The following KDM4B variants were observed in gnomAD, a reference collection of about 807,000 sequenced individuals.
The protein encoded by KDM4B is lysine-specific demethylase 4B.
In KDM4B, 32 loss-of-function variants were observed where a neutral mutation model predicts 125.2. The observed-to-expected ratio is 0.26, with a 90% CI of 0.19 to 0.34. The LOEUF is 0.34. KDM4B is among the 10% of genes least tolerant of loss of function. The pLI is 1.00. For synonymous variants in KDM4B, 721 were observed against 677.9 expected, an observed-to-expected ratio of 1.06 and a Z score of -0.99; for missense variants, 1,190 against 1,577.7, an observed-to-expected ratio of 0.75 and a Z score of 4.16.
At chr19:5,045,276 A>G (rs2036989655) in intron 5 of KDM4B, among the ~76,000 whole-genome samples, 1 of 152,142 alleles carries the variant, frequency 6.6e-6, no homozygotes, top group Non-Finnish European at 1.5e-5. Flanking sequence ...TTGCCATTTC[A>G]ATCTGCATTC....
chr19:5,033,332 G>A (rs570645098), intron 3 of KDM4B, among the ~76,000 whole-genome samples: 3 of 152,374 alleles, frequency 2.0e-5, no homozygotes, highest in African/African-American at 7.2e-5. Context: ...TGGGCCACCA[G>A]GTTGTTCTGG....
rs1479933612 is a variant in KDM4B, at chr19:5,016,264, C to G, written c.-101C>G. 2.0e-5 allele frequency: 3 copies of G among 152,244 alleles called. No homozygotes were observed. Among genetic ancestry groups the G allele is most frequent in the African/African-American group, 7.2e-5 (3 of 41,468 alleles). 9.4% of individuals were successfully genotyped at this position (152,244 alleles called of 1,614,324 possible). ...TTTATTTGCATGTTTTAGGAACCAT[C>G]ACTGTTGCTGGAGGCACCTGACAAA... On this transcript the variant is annotated 5_prime_UTR_variant, in exon 2 of 23. It adds an upstream start codon to the 5' untranslated region. Coordinates refer to ENST00000159111, the MANE Select transcript of KDM4B (RefSeq NM_015015.3).
At chr19:5,056,839 C>G (rs1030277273) in intron 6 of KDM4B, among the ~76,000 whole-genome samples, 4 of 144,210 alleles carry the variant, frequency 2.8e-5, no homozygotes. Context: ...TGTCTAGAGC[C>G]CTGGGGTGGG....
Position 5,150,437 on chromosome 19 carries a change from T to C in KDM4B, c.3101T>C (p.Val1034Ala), listed in dbSNP as rs893359760. The change falls in exon 22 of 23, where the codon GTC becomes GCC. Residue 1034 changes from valine to alanine, a missense_variant. Coordinates refer to ENST00000159111, the MANE Select transcript of KDM4B (RefSeq NM_015015.3). ...FTLEEELPKR[V>A]RSRLSLSTGA... ...CTGGAGGAGGAGCTGCCCAAGAGGGTCCGCTCTCGGCTGGTGAGTGCGCGA... is the reference window on the plus strand; with the variant it reads ...CTGGAGGAGGAGCTGCCCAAGAGGGCCCGCTCTCGGCTGGTGAGTGCGCGA... 17 of 1,550,228 alleles carry C rather than the reference T, an allele frequency of 1.1e-5. No homozygotes were observed. Among genetic ancestry groups the C allele is most frequent in the Non-Finnish European group, 1.4e-5 (16 of 1,146,662 alleles).
rs547787059 is a variant in KDM4B at position 5,032,378 on chromosome 19, C to A, written c.-25-488C>A. On this transcript the variant is annotated intron_variant, in intron 2 of 22. Transcript: ENST00000159111. ...AGTTCTGCTGGCAGCAGCCAGCCAG[C>A]CCCCCGTGACCCACAGGCCTGCTCC... Among the ~76,000 whole-genome samples, 40 of 152,306 alleles carry A rather than the reference C, an allele frequency of 2.6e-4. No homozygotes were observed. In the South Asian group the frequency reaches 2.9e-3, roughly 11 times the overall value.
At chr19:5,048,602 A>C (rs531792261) in intron 6 of KDM4B, among the ~76,000 whole-genome samples, 1 of 81,418 alleles carries the variant, frequency 1.2e-5, no homozygotes, top group Admixed American at 1.4e-4. Context: ...AAGCGGGGAG[A>C]GGGGGGGGCG....
Position 5,151,561 on chromosome 19 carries a change from T to C in KDM4B, c.*50T>C, listed in dbSNP as rs754022789. On this transcript the variant is annotated 3_prime_UTR_variant, in exon 23 of 23. Coordinates refer to ENST00000159111, the MANE Select transcript of KDM4B (RefSeq NM_015015.3). ...TCAGCCCGGCGGGGAGGCCATGGCA[T>C]GCCCCGGGCGTTCGCTTGCTGTGAA... is the stretch of plus-strand genomic sequence containing the variant. 42 of 1,283,724 alleles carry C rather than the reference T, an allele frequency of 3.3e-5. No homozygotes were observed. The highest frequency in any genetic ancestry group is 4.0e-5 in the Non-Finnish European group (40 of 1,008,086). 79.5% of individuals were successfully genotyped at this position (1,283,724 alleles called of 1,614,324 possible). A position where few individuals can be genotyped will look rare whatever the true frequency, so the allele number is the denominator to read the frequency against.
rs2039766647 is a variant in KDM4B at position 5,142,694 on chromosome 19, A to T, written c.2551-1273A>T. Among the ~76,000 whole-genome samples the T allele has an allele frequency of 1.3e-5, 2 of 151,832 alleles. No individual in the cohort carries two copies. Among genetic ancestry groups the T allele is most frequent in the African/African-American group, 4.8e-5 (2 of 41,322 alleles). ...GGGAGCACAGCCTCCACTCCTACAC[A>T]CTGGCTACTCTGCCGGAGGGGGAGG... On this transcript the variant is annotated intron_variant, in intron 18 of 22. Transcript: ENST00000159111. The surrounding 1 kb of genome is among the most constrained non-coding windows in gnomAD (Gnocchi z 5.4).
At chr19:5,036,717 G>A (rs917692064) in intron 3 of KDM4B, among the ~76,000 whole-genome samples, 3 of 152,264 alleles carry the variant, frequency 2.0e-5, no homozygotes, top group African/African-American at 7.2e-5. Context: ...TGGAAGACCC[G>A]AGTGTGGCAG....
intron 10 of KDM4B, among the ~76,000 whole-genome samples, chr19:5,116,118 G>C (rs888118797): frequency 6.6e-6 from 1 of 151,724 alleles, no homozygotes; most frequent in Non-Finnish European, 1.5e-5. Flanking sequence ...CACCAGACTG[G>C]GGCTGGGCAT....
chr19:5,116,160 G>A (rs2039250520), intron 10 of KDM4B, among the ~76,000 whole-genome samples: 1 of 149,500 alleles, frequency 6.7e-6, no homozygotes, highest in South Asian at 2.1e-4. Context: ...CAGCACTATG[G>A]GAGGCCAAGG....
At chr19:5,119,981 C>A in intron 11 of KDM4B, 129 bp downstream of exon 11, 1 of 1,199,624 alleles carries the variant, frequency 8.3e-7, no homozygotes, top group Non-Finnish European at 1.1e-6. Context: ...GGCTTTCTTG[C>A]CAGGGTGGGG....
intron 6 of KDM4B, among the ~76,000 whole-genome samples, chr19:5,048,634 C>T (rs1158068797): frequency 1.3e-5 from 2 of 151,786 alleles, no homozygotes; most frequent in African/African-American, 4.8e-5. Context: ...TGTACCTCTT[C>T]GTTAAAAAAA....
Position 5,137,351 on chromosome 19 carries a change from C to G in KDM4B, c.2385+13C>G. 6.4e-7 allele frequency: 1 copy of G among 1,554,640 alleles called. No individual in the cohort carries two copies. Among genetic ancestry groups the G allele is most frequent in the Non-Finnish European group, 8.7e-7 (1 of 1,149,294 alleles). On this transcript the variant is annotated intron_variant, in intron 16 of 22. Transcript: ENST00000159111. ...CGCCTGGACTGCGGTAACTCGCTCC[C>G]CGCAGCGGGGGTGGTGCTCTGAGAG...
chr19:5,046,437 C>A (rs574078989), intron 5 of KDM4B, among the ~76,000 whole-genome samples: 1 of 152,332 alleles, frequency 6.6e-6, no homozygotes, highest in Admixed American at 6.5e-5. Context: ...GCTCACCTTG[C>A]AAAGGAACCG....
chr19:5,020,617 T>TG (rs2036085347), intron 2 of KDM4B, among the ~76,000 whole-genome samples: 1 of 152,150 alleles, frequency 6.6e-6, no homozygotes, highest in Admixed American at 6.5e-5. Context: ...CCGCGGGCGC[T>TG]GGGGGAAGGG....
intron 1 of KDM4B, among the ~76,000 whole-genome samples, chr19:4,994,702 G>A (rs2035145833): frequency 6.6e-6 from 1 of 151,184 alleles, no homozygotes; most frequent in Admixed American, 6.6e-5. Flanking sequence ...CATATTTAAT[G>A]CCGTTATTGA....
At chr19:5,094,033 A>G (rs1051114196) in intron 9 of KDM4B, among the ~76,000 whole-genome samples, 1 of 152,184 alleles carries the variant, frequency 6.6e-6, no homozygotes, top group Non-Finnish European at 1.5e-5. Context: ...TCAGGGCGCC[A>G]GGGAGACCAC....
intron 9 of KDM4B, among the ~76,000 whole-genome samples, chr19:5,100,296 C>T (rs1324367095): frequency 6.6e-6 from 1 of 152,222 alleles, no homozygotes; most frequent in African/African-American, 2.4e-5. Flanking sequence ...ATTTGCTCTC[C>T]TGTCTTTCTT....
Sources: gnomAD v4.1 joint callset for allele counts (sites outside exome capture counted in the v4.1 genomes callset) on GRCh38, gnomAD v4.1.1 for gene constraint, Gnocchi (gnomAD v3.1) non-coding constraint, MANE v1.5 for transcripts, NCBI Gene and HGNC (gene_info 2026-07-23, HGNC 2026-07-21) for gene names.